MAP3K1: variants seen among roughly 807,000 people sequenced by gnomAD.
The protein encoded by MAP3K1 is mitogen-activated protein kinase kinase kinase 1, also known as MAP/ERK kinase kinase 1.
In MAP3K1, 36 loss-of-function variants were observed where a neutral mutation model predicts 144.2. The observed-to-expected ratio is 0.25, with a 90% confidence interval of 0.19 to 0.33. The LOEUF (loss-of-function observed/expected upper bound fraction) is 0.33, where lower values mean the gene tolerates loss of function less well. Ranked by LOEUF, MAP3K1 falls within the 10% of genes least tolerant of loss-of-function variation. The probability of loss-of-function intolerance (pLI) is 1.00; values close to 1 mark genes in which losing one functional copy is unlikely to be tolerated. For missense variants in MAP3K1, 1,650 were observed against 1,881.9 expected, an observed-to-expected ratio of 0.88 and a Z score of 2.28; for synonymous variants, 718 against 688.7, an observed-to-expected ratio of 1.04 and a Z score of -0.67.
intron 16 of MAP3K1, 46 bp from the exon 17 acceptor site, chr5:56,885,886 T>C (rs768790050): frequency 4.4e-5 from 70 of 1,575,854 alleles, no homozygotes; most frequent in Non-Finnish European, 5.6e-5. Context: ...ATAAATACTT[T>C]TAATTCTGTC....
chr5:56,883,590 C>G lies in MAP3K1; in HGVS notation c.3730C>G (p.Leu1244Val). Residue 1244 changes from leucine to valine, a missense_variant, in exon 15 of 20, where the codon CTG becomes GTG. Coordinates refer to ENST00000399503, the MANE Select transcript of MAP3K1 (RefSeq NM_005921.2). ...KQPYREDTEW[L>V]KGQQIGLGAF... Reference sequence around the variant, plus strand: ...ACCGTATAGAGAAGACACTGAATGGCTGAAAGGTCAACAGATAGGCCTTGG... The same window carrying G: ...ACCGTATAGAGAAGACACTGAATGGGTGAAAGGTCAACAGATAGGCCTTGG... The G allele has an allele frequency of 6.2e-7, 1 of 1,614,050 alleles. No homozygotes were observed. The highest frequency in any genetic ancestry group is 8.5e-7 in the Non-Finnish European group (1 of 1,179,946).
chr5:56,860,393 A>AGTTT (rs773715243), intron 3 of MAP3K1, among the ~76,000 whole-genome samples: 8 of 152,238 alleles, frequency 5.3e-5, no homozygotes, highest in Non-Finnish European at 1.0e-4. Flanking sequence ...AAAATCCAGT[A>AGTTT]GTTTCTAAAG....
At chr5:56,826,368 T>C (rs1325222248) in intron 1 of MAP3K1, among the ~76,000 whole-genome samples, 2 of 152,222 alleles carry the variant, frequency 1.3e-5, no homozygotes, top group East Asian at 3.9e-4. Flanking sequence ...TCTCTATCAT[T>C]GTACATGTAG....
At chr5:56,816,659 GC>G (rs915162255) in intron 1 of MAP3K1, among the ~76,000 whole-genome samples, 2 of 152,282 alleles carry the variant, frequency 1.3e-5, no homozygotes, top group Admixed American at 1.3e-4. Flanking sequence ...CAGGCGGCGC[GC>G]CCCCAGCGCC....
At chr5:56,860,438 T>C (rs1442263127) in intron 3 of MAP3K1, among the ~76,000 whole-genome samples, 3 of 152,226 alleles carry the variant, frequency 2.0e-5, no homozygotes, top group African/African-American at 7.2e-5. Context: ...AGTTGCAAGC[T>C]GAACTAGTTA....
At chr5:56,881,434 A>C (rs1748203130) in intron 13 of MAP3K1, 136 bp from the exon 14 acceptor site, 1 of 973,176 alleles carries the variant, frequency 1.0e-6, no homozygotes, top group African/African-American at 1.6e-5. Context: ...TGGGCTCTTT[A>C]ATTAAAAATT....
chr5:56,828,476 C>G (rs927748272), intron 1 of MAP3K1, among the ~76,000 whole-genome samples: 1 of 152,004 alleles, frequency 6.6e-6, no homozygotes, highest in African/African-American at 2.4e-5. Flanking sequence ...CTTAGAAACT[C>G]TTGGAATTTT....
In MAP3K1 at chr5:56,893,653, G is replaced by C; in HGVS notation, c.4512G>C (p.Lys1504Asn). 6.2e-7 allele frequency: 1 copy of C among 1,613,932 alleles called. No individual in the cohort carries two copies. The highest frequency in any genetic ancestry group is 1.1e-5 in the South Asian group (1 of 91,086). Residue 1504 changes from lysine to asparagine, a missense_variant, in exon 20 of 20, where the codon AAG becomes AAC. Physicochemically the swap from Lys to Asn is moderately conservative, Grantham distance 94 (BLOSUM62 0). Coordinates refer to ENST00000399503, the MANE Select transcript of MAP3K1 (RefSeq NM_005921.2). ...GACCTCCATCAAGAGAGCTACTGAA[G>C]CATCCAGTCTTTCGTACTACATGGT... ...QDRPPSRELL[K>N]HPVFRTTW
In MAP3K1 at chr5:56,877,100, C is replaced by T. The variant is rs905477210; in HGVS notation, c.1965+1790C>T. 3.3e-5 allele frequency among the ~76,000 whole-genome samples: 5 copies of T among 152,162 alleles called. No individual in the cohort carries two copies. In the South Asian group the frequency reaches 8.3e-4, roughly 25 times the overall value. ...ATCAAAGGATAGAATGCATTGTTTCCCAGAGTTATTTTGCTACACCTTGTT... is the reference window on the plus strand; with the variant it reads ...ATCAAAGGATAGAATGCATTGTTTCTCAGAGTTATTTTGCTACACCTTGTT... On this transcript the variant is annotated intron_variant, in intron 10 of 19. Coordinates refer to ENST00000399503, the MANE Select transcript of MAP3K1 (RefSeq NM_005921.2).
intron 1 of MAP3K1, among the ~76,000 whole-genome samples, chr5:56,842,636 A>G (rs1746849047): frequency 6.6e-6 from 1 of 152,262 alleles, no homozygotes; most frequent in African/African-American, 2.4e-5. Context: ...AGAATTAACT[A>G]TATGTAAAAG....
intron 5 of MAP3K1, 54 bp downstream of exon 5, chr5:56,865,510 T>G (rs1323986807): frequency 1.1e-5 from 11 of 1,047,596 alleles, no homozygotes; most frequent in Non-Finnish European, 1.6e-5. Context: ...TTAGGATATA[T>G]TCTTAAAATT....
At chr5:56,843,517 A>G (rs1746880743) in intron 1 of MAP3K1, among the ~76,000 whole-genome samples, 1 of 152,220 alleles carries the variant, frequency 6.6e-6, no homozygotes, top group Non-Finnish European at 1.5e-5. Context: ...GAGAAAATAA[A>G]TTACCAAGGT....
At chr5:56,828,813 AAAG>A (rs1746394059) in intron 1 of MAP3K1, among the ~76,000 whole-genome samples, 1 of 152,164 alleles carries the variant, frequency 6.6e-6, no homozygotes, top group Admixed American at 6.5e-5. Context: ...AACCTCTAAA[AAAG>A]CTTCTTCTTT....
At chr5:56,890,006 C>T (rs892061472) in intron 19 of MAP3K1, among the ~76,000 whole-genome samples, 2 of 152,104 alleles carry the variant, frequency 1.3e-5, no homozygotes, top group Admixed American at 1.3e-4. Flanking sequence ...CTCTTTAAGG[C>T]CCCCATTTTG....
At chr5:56,867,275 C>G (rs1451878724) in intron 6 of MAP3K1, among the ~76,000 whole-genome samples, 2 of 152,088 alleles carry the variant, frequency 1.3e-5, no homozygotes, top group Non-Finnish European at 2.9e-5. Context: ...GGGGGAATCA[C>G]AAAAGTTATC....
At chr5:56,880,646 C>T (rs942093745) in intron 11 of MAP3K1, 65 bp from the exon 12 acceptor site, 13 of 1,044,172 alleles carry the variant, frequency 1.2e-5, no homozygotes, top group Admixed American at 1.0e-4. Context: ...TTACATTACT[C>T]CTCTAATATT....
At chr5:56,827,248 G>A (rs764517217) in intron 1 of MAP3K1, among the ~76,000 whole-genome samples, 8 of 152,152 alleles carry the variant, frequency 5.3e-5, no homozygotes, top group Admixed American at 2.6e-4. Context: ...TCTCTGCCTC[G>A]TATTGCCCCC....
intron 10 of MAP3K1, among the ~76,000 whole-genome samples, chr5:56,877,343 G>A (rs563224915): frequency 6.6e-6 from 1 of 152,150 alleles, no homozygotes; most frequent in African/African-American, 2.4e-5. Context: ...TTCTTCTTAA[G>A]TTCAGACTGT....
In MAP3K1 at chr5:56,894,774, T is replaced by A. The variant is rs543465220; in HGVS notation, c.*1094T>A. On this transcript the variant is annotated 3_prime_UTR_variant, in exon 20 of 20. Coordinates refer to ENST00000399503, the MANE Select transcript of MAP3K1 (RefSeq NM_005921.2). ...ACAGTAGGCCTGGCAGATCATTTTT[T>A]AAAAAGATTATTCAACTACCAATCA... The A allele has an allele frequency of 8.2e-5, 19 of 232,226 alleles. No homozygotes were observed. Among genetic ancestry groups the A allele is most frequent in the Middle Eastern group, 1.3e-3 (1 of 776 alleles). The allele number at this position is 232,226 out of a possible 1,614,324, so 14.4% of individuals were successfully genotyped here. A position where few individuals can be genotyped will look rare whatever the true frequency, so the allele number is the denominator to read the frequency against.
Sources: gnomAD v4.1 joint callset for allele counts (sites outside exome capture counted in the v4.1 genomes callset) on GRCh38, gnomAD v4.1.1 for gene constraint, MANE v1.5 for transcripts, NCBI Gene and HGNC (gene_info 2026-07-23, HGNC 2026-07-21) for gene names.